Variants in ADCY10 observed in about 807,000 individuals in gnomAD.
ADCY10 encodes the protein adenylate cyclase type 10.
Under a neutral mutation model 183.3 loss-of-function variants are expected in ADCY10, and 156 were observed. That is an observed-to-expected ratio of 0.85 (90% CI 0.75 to 0.97). The LOEUF (loss-of-function observed/expected upper bound fraction) is 0.97. Ranked by LOEUF, ADCY10 falls within the 50% of genes least tolerant of loss-of-function variation. The probability of loss-of-function intolerance (pLI) is 0.00; values close to 1 mark genes in which losing one functional copy is unlikely to be tolerated. For missense variants in ADCY10, 1,745 were observed against 1,934.3 expected (o/e 0.90, Z 1.84); for synonymous variants, 645 against 670.0 (o/e 0.96, Z 0.58).
At chr1:167,838,539 C>T (rs1328402720) in intron 21 of ADCY10, among the ~76,000 whole-genome samples, 2 of 152,208 alleles carry the variant, frequency 1.3e-5, no homozygotes, top group African/African-American at 4.8e-5. Flanking sequence ...TGGTTGCCTA[C>T]TTAATTGGCT....
intron 21 of ADCY10, among the ~76,000 whole-genome samples, chr1:167,839,219 TA>T (rs1558169110): frequency 6.6e-6 from 1 of 152,244 alleles, no homozygotes; most frequent in East Asian, 1.9e-4. Context: ...TCATTAGTAA[TA>T]GACAGCGACA....
rs147061914 is a variant in ADCY10, at chr1:167,903,781, G to C, written c.253+106C>G. ...GGTTTTATACACATTTCATGGGGAA[G>C]AGGAGGAGTGCTAAGCAATTGTACT... On this transcript the variant is annotated intron_variant, in intron 3 of 32. Transcript: ENST00000367851. 4.3e-5 allele frequency: 34 copies of C among 793,618 alleles called. No individual in the cohort carries two copies. The East Asian group carries it at 8.3e-4, about 19-fold the overall frequency. The allele number at this position is 793,618 out of a possible 1,614,324, so 49.2% of individuals were successfully genotyped here. A position where few individuals can be genotyped will look rare whatever the true frequency, so the allele number is the denominator to read the frequency against.
rs1667362127 is a variant in ADCY10, at chr1:167,875,154, C to G, written c.1439G>C (p.Arg480Thr). The G allele has an allele frequency of 6.2e-7, 1 of 1,614,068 alleles. No homozygotes were observed. The highest frequency in any genetic ancestry group is 1.3e-5 in the African/African-American group (1 of 74,918). The change falls in exon 13 of 33, where the codon AGA becomes ACA. Residue 480 changes from arginine to threonine, a missense_variant. Arg to Thr is a moderately conservative substitution (Grantham distance 71). Transcript: ENST00000367851. ...MFGMACLICN[R>T]KEDYPLLGRN... ...ACCCAGCAAAGGGTAATCCTCCTTT[C>G]TGTTGCAGATGAGGCACGCCATACC...
intron 25 of ADCY10, 55 bp from the exon 26 acceptor site, chr1:167,829,478 T>C: frequency 6.2e-7 from 1 of 1,605,998 alleles, no homozygotes; most frequent in Non-Finnish European, 8.5e-7. Flanking sequence ...ATTACCATGA[T>C]TTAGGGGAGC....
At chr1:167,912,019 T>C (rs1670176279) in intron 1 of ADCY10, among the ~76,000 whole-genome samples, 1 of 152,212 alleles carries the variant, frequency 6.6e-6, no homozygotes, top group South Asian at 2.1e-4. Context: ...TGAACACCCA[T>C]AAAAGACAAT....
At chr1:167,912,229 C>T (rs1187147134) in intron 1 of ADCY10, among the ~76,000 whole-genome samples, 1 of 152,054 alleles carries the variant, frequency 6.6e-6, no homozygotes, top group Admixed American at 6.5e-5. Context: ...GAAAAGGGGT[C>T]CTTGGGAAAT....
In ADCY10 at chr1:167,861,020, A is replaced by G; in HGVS notation, c.1660T>C (p.Phe554Leu). The G allele has an allele frequency of 1.2e-6, 2 of 1,614,164 alleles. No individual in the cohort carries two copies. The highest frequency in any genetic ancestry group is 1.7e-5 in the Admixed American group (1 of 60,014). Residue 554 changes from phenylalanine to leucine, a missense_variant, in exon 15 of 33, where the codon TTC becomes CTC. By Grantham distance (22) the Phe-to-Leu change is conservative (BLOSUM62 0). Coordinates refer to ENST00000367851, the MANE Select transcript of ADCY10 (RefSeq NM_018417.6). ...GCCATGAACATCTGGATGGTATAGAAAGTTTGATGGAAGCTGATCTTATTC... is the reference window on the plus strand; with the variant it reads ...GCCATGAACATCTGGATGGTATAGAGAGTTTGATGGAAGCTGATCTTATTC... ...SLNKISFHQT[F>L]YTIQMFMANV...
chr1:167,897,663 C>G (rs79286249), intron 6 of ADCY10, among the ~76,000 whole-genome samples: 2,388 of 2,388 alleles, frequency 1, 1,194 homozygotes, highest in Non-Finnish European at 1. Context: ...ACAACGGAAC[C>G]ACTGAAGTGC....
chr1:167,893,872 AT>A lies in ADCY10; in HGVS notation c.808del (p.Met270TrpfsTer5). On this transcript the variant is annotated frameshift_variant, in exon 8 of 33. Transcript: ENST00000367851. LOFTEE classifies it high-confidence loss of function. ...ELEMSLQKYV[M>X]ESILKQIDNK... ...AAATACCTGCTTCAAAATGCTTTCC[AT>A]CACATACTTTTGTAGGGACATCTCC... 6.2e-7 allele frequency: 1 copy of A among 1,613,296 alleles called. No homozygotes were observed. The highest frequency in any genetic ancestry group is 8.5e-7 in the Non-Finnish European group (1 of 1,179,570).
chr1:167,864,741 G>A (rs183261984), intron 14 of ADCY10, among the ~76,000 whole-genome samples: 5 of 152,166 alleles, frequency 3.3e-5, no homozygotes, highest in Admixed American at 6.5e-5. Context: ...GGTATTCTCC[G>A]TAACCCTGTA....
chr1:167,882,400 G>A (rs1464295767), intron 9 of ADCY10, among the ~76,000 whole-genome samples: 2 of 149,842 alleles, frequency 1.3e-5, no homozygotes, highest in East Asian at 2.0e-4. Flanking sequence ...CAAGAGAATC[G>A]CTTGAACCCG....
intron 18 of ADCY10, among the ~76,000 whole-genome samples, chr1:167,849,692 A>G (rs1477237943): frequency 6.6e-6 from 1 of 152,256 alleles, no homozygotes; most frequent in Non-Finnish European, 1.5e-5. Flanking sequence ...AGGATGGGTG[A>G]CTTAAGAGCT....
chr1:167,812,870 TA>T (rs1334758644), intron 31 of ADCY10, among the ~76,000 whole-genome samples: 1 of 151,762 alleles, frequency 6.6e-6, no homozygotes, highest in Non-Finnish European at 1.5e-5. Flanking sequence ...AACTAAAATT[TA>T]AAAAAATCAC....
At chr1:167,883,805 C>T (rs1456696573) in intron 8 of ADCY10, among the ~76,000 whole-genome samples, 177 bp from the exon 9 acceptor site, 6 of 152,138 alleles carry the variant, frequency 3.9e-5, no homozygotes, top group Non-Finnish European at 8.8e-5. Flanking sequence ...ATCAAAATCC[C>T]TCTCTTCCAG....
intron 1 of ADCY10, among the ~76,000 whole-genome samples, chr1:167,908,072 A>G (rs1669930079): frequency 6.6e-6 from 1 of 152,236 alleles, no homozygotes; most frequent in Non-Finnish European, 1.5e-5. Flanking sequence ...TATATACCCA[A>G]AGGAATTGAA....
intron 16 of ADCY10, among the ~76,000 whole-genome samples, chr1:167,858,063 A>G (rs1283051441): frequency 1.3e-5 from 2 of 152,210 alleles, no homozygotes; most frequent in African/African-American, 4.8e-5. Context: ...TGTCTTGCCT[A>G]TGACCTGAAG....
intron 14 of ADCY10, among the ~76,000 whole-genome samples, chr1:167,869,267 A>C (rs1021313916): frequency 2.6e-5 from 4 of 152,206 alleles, no homozygotes; most frequent in African/African-American, 9.7e-5. Flanking sequence ...GTACTTCTTC[A>C]AATGATAAAA....
chr1:167,865,914 A>C (rs1300489178), intron 14 of ADCY10, among the ~76,000 whole-genome samples: 2 of 152,194 alleles, frequency 1.3e-5, no homozygotes, highest in Non-Finnish European at 2.9e-5. Flanking sequence ...TGGAGTAATA[A>C]GTCATGCCAA....
chr1:167,828,635 T>G (rs7556337), intron 26 of ADCY10, among the ~76,000 whole-genome samples: 1 of 152,200 alleles, frequency 6.6e-6, no homozygotes, highest in African/African-American at 2.4e-5. Context: ...GTAATTATGT[T>G]AATATGTAAT....
Sources: gnomAD v4.1 joint callset for allele counts (sites outside exome capture counted in the v4.1 genomes callset) on GRCh38, gnomAD v4.1.1 for gene constraint, MANE v1.5 for transcripts, NCBI Gene and HGNC (gene_info 2026-07-23, HGNC 2026-07-21) for gene names.